The following CCSER1 variants were observed in gnomAD, a reference collection of about 807,000 sequenced individuals.
The protein encoded by CCSER1 is serine-rich coiled-coil domain-containing protein 1.
A neutral mutation model predicts 82.0 loss-of-function variants in CCSER1; 41 were observed. That is an observed-to-expected ratio of 0.50 (90% CI 0.39 to 0.65). CCSER1 has a LOEUF of 0.65. Ranked by LOEUF, CCSER1 falls within the 30% of genes least tolerant of loss-of-function variation. The pLI is 0.00. For synonymous variants in CCSER1, 414 were observed against 383.9 expected (o/e 1.08, Z -0.92); for missense variants, 1,119 against 1,064.2 (o/e 1.05, Z -0.72).
intron 4 of CCSER1, among the ~76,000 whole-genome samples, chr4:90,463,425 A>G (rs976613884): frequency 2.0e-5 from 3 of 152,212 alleles, no homozygotes; most frequent in Non-Finnish European, 4.4e-5. Context: ...AAGTGCAATG[A>G]CAGTAATAAC....
chr4:90,911,803 T>C (rs1302172244), intron 8 of CCSER1, among the ~76,000 whole-genome samples: 1 of 152,124 alleles, frequency 6.6e-6, no homozygotes, highest in Admixed American at 6.5e-5. Context: ...TTTCCGATGG[T>C]CTTAGCAAAC....
At chr4:91,101,150 A>G (rs2148850325) in intron 10 of CCSER1, among the ~76,000 whole-genome samples, 1 of 152,340 alleles carries the variant, frequency 6.6e-6, no homozygotes, top group East Asian at 1.9e-4. Context: ...ACATACATAG[A>G]CACGCACATG....
chr4:90,642,945 T>C (rs1261543017), intron 6 of CCSER1, among the ~76,000 whole-genome samples: 1 of 152,090 alleles, frequency 6.6e-6, no homozygotes, highest in Non-Finnish European at 1.5e-5. Flanking sequence ...GGACTAGCTA[T>C]TGATAAAATA....
Position 91,424,001 on chromosome 4 carries a change from C to CTTTTTTTTTT in CCSER1, c.2218-174554_2218-174545dup, listed in dbSNP as rs1167472932. Among the ~76,000 whole-genome samples the CTTTTTTTTTT allele has an allele frequency of 1.8e-4, 14 of 77,472 alleles. 2 individuals are homozygous for CTTTTTTTTTT. The highest frequency in any genetic ancestry group is 5.9e-4 in the African/African-American group (11 of 18,724). The allele number at this position is 77,472 out of a possible 152,430, so 50.8% of individuals were successfully genotyped here. A position where few individuals can be genotyped will look rare whatever the true frequency, so the allele number is the denominator to read the frequency against. ...ATAACACTGTAAGAACTCAGCAGATCTTTTTTTTTTTTTTTTTTTTTTTTT... is the reference window on the plus strand; with the variant it reads ...ATAACACTGTAAGAACTCAGCAGATCTTTTTTTTTTTTTTTTTTTTTTTTTTTTTTTTTTT... On this transcript the variant is annotated intron_variant, in intron 10 of 10. Transcript: ENST00000509176.
At chr4:90,957,530 TTA>T (rs1284617749) in intron 9 of CCSER1, among the ~76,000 whole-genome samples, 11 of 122,792 alleles carry the variant, frequency 9.0e-5, no homozygotes, top group Admixed American at 3.8e-4. Flanking sequence ...ATATCATATA[TTA>T]TATATATTAT....
chr4:91,475,064 G>A (rs1757511149), intron 10 of CCSER1, among the ~76,000 whole-genome samples: 2 of 151,738 alleles, frequency 1.3e-5, no homozygotes, highest in African/African-American at 4.8e-5. Context: ...TCTCATATAA[G>A]AAACTATGAA....
intron 5 of CCSER1, among the ~76,000 whole-genome samples, chr4:90,551,706 C>CTCTCTCTCTCTCTATATATATATATA: frequency 7.7e-5 from 8 of 104,216 alleles, no homozygotes; most frequent in African/African-American, 3.7e-4. Context: ...CTCTCTCTCT[C>CTCTCTCTCTCTCTATATATATATATA]TATATATATA....
intron 3 of CCSER1, among the ~76,000 whole-genome samples, chr4:90,328,388 A>G (rs114532057): frequency 0.028 from 4,260 of 152,010 alleles, 65 homozygotes; most frequent in South Asian, 0.045. Context: ...TTATACAACT[A>G]TATTTCAGCC....
intron 5 of CCSER1, among the ~76,000 whole-genome samples, chr4:90,542,849 C>G (rs943733080): frequency 6.6e-6 from 1 of 152,112 alleles, no homozygotes; most frequent in Non-Finnish European, 1.5e-5. Flanking sequence ...AAACAAACCT[C>G]TGATCATAGC....
At chr4:90,390,593 T>C (rs1750837886) in intron 3 of CCSER1, among the ~76,000 whole-genome samples, 1 of 152,212 alleles carries the variant, frequency 6.6e-6, no homozygotes, top group Non-Finnish European at 1.5e-5. Flanking sequence ...TCCATCCATG[T>C]TGCTGCAAAA....
At chr4:91,531,998 C>T (rs1308355853) in intron 10 of CCSER1, among the ~76,000 whole-genome samples, 1 of 152,178 alleles carries the variant, frequency 6.6e-6, no homozygotes, top group Non-Finnish European at 1.5e-5. Flanking sequence ...CAGGTGTGAG[C>T]CACTGCTCCA....
chr4:91,040,337 A>T (rs1007844772), intron 9 of CCSER1, among the ~76,000 whole-genome samples: 1 of 152,174 alleles, frequency 6.6e-6, no homozygotes, highest in Non-Finnish European at 1.5e-5. Context: ...TTTTGGAATT[A>T]ATGATTTTTG....
chr4:90,722,733 C>G (rs566234992), intron 6 of CCSER1, among the ~76,000 whole-genome samples: 1 of 151,956 alleles, frequency 6.6e-6, no homozygotes, highest in East Asian at 1.9e-4. Context: ...TGCTGAATAT[C>G]TTGGTTCCTG....
intron 10 of CCSER1, among the ~76,000 whole-genome samples, chr4:91,215,879 G>A (rs1473250497): frequency 6.6e-6 from 1 of 152,132 alleles, no homozygotes; most frequent in Non-Finnish European, 1.5e-5. Context: ...ATTTTTGTGT[G>A]TGTGCCTTGA....
At chr4:90,146,546 A>G (rs569886627) in intron 1 of CCSER1, among the ~76,000 whole-genome samples, 23 of 152,186 alleles carry the variant, frequency 1.5e-4, no homozygotes, top group African/African-American at 4.3e-4. Flanking sequence ...CACAATAAAG[A>G]TACACATTAA....
At chr4:90,622,378 T>C (rs1400413790) in intron 5 of CCSER1, among the ~76,000 whole-genome samples, 1 of 152,154 alleles carries the variant, frequency 6.6e-6, no homozygotes, top group Admixed American at 6.5e-5. Flanking sequence ...CATTAACTCC[T>C]TATTTACATT....
chr4:90,230,459 T>C (rs1208408143), intron 1 of CCSER1, among the ~76,000 whole-genome samples: 5 of 151,082 alleles, frequency 3.3e-5, no homozygotes, highest in African/African-American at 7.3e-5. Context: ...ATCTCTGGGA[T>C]GCATTCAAAG....
intron 5 of CCSER1, among the ~76,000 whole-genome samples, chr4:90,551,784 A>T (rs191312421): frequency 2.6e-3 from 394 of 150,032 alleles, no homozygotes; most frequent in African/African-American, 9.4e-3. Context: ...TTGTAAGGAC[A>T]GTCTTTGTCT....
intron 8 of CCSER1, among the ~76,000 whole-genome samples, chr4:90,843,121 C>T (rs1261043327): frequency 6.6e-6 from 1 of 152,012 alleles, no homozygotes; most frequent in South Asian, 2.1e-4. Context: ...TTTGCATGAC[C>T]TTGGGTAAGT....
Sources: allele counts gnomAD v4.1 joint callset (sites outside exome capture counted in the v4.1 genomes callset), GRCh38; gene constraint gnomAD v4.1.1; transcripts MANE v1.5; gene names NCBI Gene and HGNC (gene_info 2026-07-23, HGNC 2026-07-21).